The following BCO1 variants were observed in gnomAD, a reference collection of about 807,000 sequenced individuals.
BCO1 encodes the protein beta,beta-carotene 15,15'-dioxygenase.
BCO1 carries 54 observed loss-of-function variants against 56.3 expected under a neutral mutation model. That is an observed-to-expected ratio of 0.96 (90% confidence interval 0.77 to 1.20). BCO1 has a LOEUF of 1.20. BCO1 is among the 50% of genes most tolerant of loss of function. BCO1 has a pLI of 0.00. For missense variants in BCO1, 801 were observed against 690.9 expected, an observed-to-expected ratio of 1.16 and a Z score of -1.79; for synonymous variants, 318 against 266.1, an observed-to-expected ratio of 1.20 and a Z score of -1.90.
intron 2 of BCO1, among the ~76,000 whole-genome samples, chr16:81,250,607 G>C (rs112218982): frequency 7.9e-6 from 1 of 125,816 alleles, no homozygotes; most frequent in African/African-American, 3.3e-5. Context: ...TTGAGATGGA[G>C]TCTCACTGTG....
At chr16:81,248,629 A>G (rs1311807275) in intron 2 of BCO1, among the ~76,000 whole-genome samples, 1 of 152,144 alleles carries the variant, frequency 6.6e-6, no homozygotes, top group Admixed American at 6.6e-5. Context: ...ACAGCACTAA[A>G]TCTTAATGAT....
At chr16:81,268,903 C>T (rs1173331962) in intron 6 of BCO1, among the ~76,000 whole-genome samples, 1 of 151,640 alleles carries the variant, frequency 6.6e-6, no homozygotes, top group South Asian at 2.1e-4. Flanking sequence ...GTAGCTGGAA[C>T]CAGAGGCACA....
intron 2 of BCO1, among the ~76,000 whole-genome samples, chr16:81,252,823 A>G (rs568873676): frequency 5.9e-5 from 9 of 152,326 alleles, no homozygotes; most frequent in African/African-American, 2.2e-4. Context: ...TACGAAGTGC[A>G]TGCTGGGAGT....
At chr16:81,270,768 G>A (rs924417343) in intron 7 of BCO1, among the ~76,000 whole-genome samples, 19 of 139,768 alleles carry the variant, frequency 1.4e-4, no homozygotes, top group African/African-American at 4.4e-4. Context: ...TTTTTGAGAC[G>A]TAGTCTCGCT....
Position 81,270,269 on chromosome 16 carries a change from C to T in BCO1, c.954C>T (p.Cys318=), listed in dbSNP as rs1389899891. 6.2e-7 allele frequency: 1 copy of T among 1,614,226 alleles called. No homozygotes were observed. Among genetic ancestry groups the T allele is most frequent in the Admixed American group, 1.7e-5 (1 of 60,024 alleles). ...HHVNAYEEDG[C]IVFDVIAYED... The stretch of plus-strand genomic sequence containing the variant: ...TCAACGCCTACGAAGAGGACGGCTG[C>T]ATCGTGTTTGACGTCATTGCCTACG... Residue 318 remains cysteine, a synonymous_variant, in exon 7 of 11, where the codon TGC becomes TGT. Coordinates refer to ENST00000258168, the MANE Select transcript of BCO1 (RefSeq NM_017429.3).
At chr16:81,270,846 G>A (rs879704854) in intron 7 of BCO1, among the ~76,000 whole-genome samples, 32 of 151,912 alleles carry the variant, frequency 2.1e-4, no homozygotes, top group Non-Finnish European at 4.4e-4. Flanking sequence ...CCAGGCTCAC[G>A]CCATTCTCCT....
intron 1 of BCO1, among the ~76,000 whole-genome samples, chr16:81,245,211 G>A (rs955332846): frequency 6.6e-6 from 1 of 152,156 alleles, no homozygotes; most frequent in Non-Finnish European, 1.5e-5. Context: ...GACCACAGTG[G>A]ATCTTGGGTG....
intron 2 of BCO1, among the ~76,000 whole-genome samples, chr16:81,247,440 G>A (rs116715621): frequency 0.013 from 2,041 of 152,270 alleles, 50 homozygotes; most frequent in African/African-American, 0.047. Context: ...AGGCAGGAGT[G>A]TTGCTTGATC....
intron 3 of BCO1, among the ~76,000 whole-genome samples, chr16:81,260,360 T>G (rs1037539250): frequency 1.3e-5 from 2 of 151,300 alleles, no homozygotes; most frequent in African/African-American, 4.9e-5. Flanking sequence ...AGCTGTACTT[T>G]GTGTGAAAAA....
chr16:81,285,076 G>A lies in BCO1; in HGVS notation c.1208-464G>A, dbSNP rs367894888. ...GCTGGTCTCAAACTCCCGAACTCAAGTGATCTGCCCGCCTCGGCCTCCCAA... is the reference window on the plus strand; with the variant it reads ...GCTGGTCTCAAACTCCCGAACTCAAATGATCTGCCCGCCTCGGCCTCCCAA... On this transcript the variant is annotated intron_variant, in intron 8 of 10. Coordinates refer to ENST00000258168, the MANE Select transcript of BCO1 (RefSeq NM_017429.3). 4.5e-4 allele frequency among the ~76,000 whole-genome samples: 69 copies of A among 152,116 alleles called. 2 individuals carry two copies. The East Asian group carries it at 0.013, about 29-fold the overall frequency.
At chr16:81,252,954 CA>C (rs1304792160) in intron 2 of BCO1, among the ~76,000 whole-genome samples, 2 of 152,042 alleles carry the variant, frequency 1.3e-5, no homozygotes, top group Admixed American at 1.3e-4. Context: ...AGTAAAAATA[CA>C]AATATTAGCC....
At chr16:81,267,841 G>C (rs1356669277) in intron 5 of BCO1, 67 bp from the exon 6 acceptor site, 1 of 1,333,434 alleles carries the variant, frequency 7.5e-7, no homozygotes. Flanking sequence ...GTAGGTGATG[G>C]TGGTGTGGTC....
At chr16:81,257,698 A>G (rs894930960) in intron 2 of BCO1, among the ~76,000 whole-genome samples, 12 of 151,766 alleles carry the variant, frequency 7.9e-5, no homozygotes, top group African/African-American at 2.7e-4. Flanking sequence ...CAACATGGCA[A>G]AACCCTGTCT....
chr16:81,238,735 C>A lies in BCO1; in HGVS notation c.-174C>A. The A allele has an allele frequency of 1.5e-6, 1 of 685,206 alleles. No homozygotes were observed. The highest frequency in any genetic ancestry group is 2.7e-5 in the East Asian group (1 of 36,378). 42.4% of individuals were successfully genotyped at this position (685,206 alleles called of 1,614,324 possible). ...GCTCTTGGAGAGGGACAAGTGAGAG[C>A]CAGCCAAAAAGGAAAAAGCAAAGGC... On this transcript the variant is annotated 5_prime_UTR_variant, in exon 1 of 11. Coordinates refer to ENST00000258168, the MANE Select transcript of BCO1 (RefSeq NM_017429.3).
intron 7 of BCO1, among the ~76,000 whole-genome samples, chr16:81,272,354 A>AGG (rs1442046400): frequency 6.7e-6 from 1 of 149,414 alleles, no homozygotes; most frequent in Non-Finnish European, 1.5e-5. Context: ...TCCTGACCTC[A>AGG]TGATCCGCCC....
chr16:81,281,133 T>C (rs1281339292), intron 8 of BCO1, among the ~76,000 whole-genome samples, 171 bp downstream of exon 8: 1 of 151,990 alleles, frequency 6.6e-6, no homozygotes, highest in Non-Finnish European at 1.5e-5. Context: ...TTTCTCTATC[T>C]TCAAATGCTT....
chr16:81,263,987 G>A (rs1906655640), intron 4 of BCO1: 1 of 157,006 alleles, frequency 6.4e-6, no homozygotes, highest in African/African-American at 2.4e-5. Context: ...CTCTGGGCTG[G>A]AGGTTGTGTT....
chr16:81,281,176 T>G (rs1567463981), intron 8 of BCO1, among the ~76,000 whole-genome samples: 1 of 152,204 alleles, frequency 6.6e-6, no homozygotes, highest in Non-Finnish European at 1.5e-5. Flanking sequence ...CCAGGCACGG[T>G]GGCTCCCACC....
At chr16:81,272,309 AG>A (rs1907279450) in intron 7 of BCO1, among the ~76,000 whole-genome samples, 2 of 151,246 alleles carry the variant, frequency 1.3e-5, no homozygotes, top group African/African-American at 2.4e-5. Context: ...TAGTAGAGAC[AG>A]GGTTTCACCG....
Sources: gnomAD v4.1 joint callset for allele counts (sites outside exome capture counted in the v4.1 genomes callset) on GRCh38, gnomAD v4.1.1 for gene constraint, MANE v1.5 for transcripts, NCBI Gene and HGNC (gene_info 2026-07-23, HGNC 2026-07-21) for gene names.